Variants in CNKSR2 observed in about 807,000 individuals in gnomAD.
CNKSR2 encodes CNK homolog protein 2.
In CNKSR2, 14 loss-of-function variants were observed where a neutral mutation model predicts 84.4. The observed-to-expected ratio is 0.17, with a 90% confidence interval of 0.11 to 0.26. The LOEUF (loss-of-function observed/expected upper bound fraction) is 0.26. Ranked by LOEUF, CNKSR2 falls within the 10% of genes least tolerant of loss-of-function variation. CNKSR2 has a pLI of 1.00. For missense variants in CNKSR2, 485 were observed against 771.2 expected, an observed-to-expected ratio of 0.63 and a Z score of 4.40; for synonymous variants, 275 against 277.9, an observed-to-expected ratio of 0.99 and a Z score of 0.10.
intron 8 of CNKSR2, chrX:21,503,749 C>T (rs1156996977): frequency 8.9e-6 from 1 of 111,948 alleles, no homozygotes; most frequent in Non-Finnish European, 1.9e-5. Flanking sequence ...GCCAGCTGAA[C>T]TGAAATTAGA....
chrX:21,616,082 C>T (rs1272639905), intron 20 of CNKSR2, among the ~76,000 whole-genome samples: 7 of 111,533 alleles, frequency 6.3e-5, no homozygotes, highest in Non-Finnish European at 1.1e-4. Context: ...ATTTGGGTCT[C>T]ATTTCAAATA....
chrX:21,412,562 C>T (rs981268751), intron 1 of CNKSR2, among the ~76,000 whole-genome samples: 1 of 111,827 alleles, frequency 8.9e-6, no homozygotes, highest in Admixed American at 9.5e-5. Context: ...GGTAAGACAT[C>T]ATACTGATGA....
At chrX:21,376,162 T>TAACAG (rs2089812409) in intron 1 of CNKSR2, among the ~76,000 whole-genome samples, 2 of 112,545 alleles carry the variant, frequency 1.8e-5, no homozygotes, top group South Asian at 7.4e-4. Flanking sequence ...CAGTCAGACT[T>TAACAG]TCTAAGCTCC....
rs778312129 is a variant in CNKSR2 at position 21,375,625 on chromosome X, G to A, written c.64+664G>A. ...TGGGCTGCCTCCAGCGCATCCCCTC[G>A]CATCCTTTGCCTTCTCTGCTTTCTC... On this transcript the variant is annotated intron_variant, in intron 1 of 21. Coordinates refer to ENST00000379510, the MANE Select transcript of CNKSR2 (RefSeq NM_014927.5). 5.4e-5 allele frequency among the ~76,000 whole-genome samples: 6 copies of A among 112,149 alleles called. No homozygotes were observed. In the East Asian group the frequency reaches 1.7e-3, roughly 32 times the overall value.
chrX:21,449,303 C>CA (rs11308049), intron 4 of CNKSR2, among the ~76,000 whole-genome samples: 595 of 44,105 alleles, frequency 0.013, 4 homozygotes, highest in East Asian at 0.042. Flanking sequence ...GACTCCGTCT[C>CA]AAAAAAAAAA....
chrX:21,479,828 A>G (rs1386178276), intron 5 of CNKSR2, among the ~76,000 whole-genome samples: 1 of 109,745 alleles, frequency 9.1e-6, no homozygotes, highest in Non-Finnish European at 1.9e-5. Flanking sequence ...AAGAGTTAGG[A>G]TGATGCTGTG....
intron 20 of CNKSR2, among the ~76,000 whole-genome samples, chrX:21,617,357 C>T (rs2092581623): frequency 9.0e-6 from 1 of 111,511 alleles, no homozygotes; most frequent in Non-Finnish European, 1.9e-5. Flanking sequence ...AAACAATTTA[C>T]CTCCTATGGT....
At chrX:21,488,664 C>G (rs989733867) in intron 5 of CNKSR2, among the ~76,000 whole-genome samples, 1 of 111,482 alleles carries the variant, frequency 9.0e-6, no homozygotes, top group African/African-American at 3.3e-5. Flanking sequence ...AAAGTGAGGC[C>G]ATGGACCAAG....
intron 20 of CNKSR2, among the ~76,000 whole-genome samples, chrX:21,611,991 A>C (rs559636833): frequency 2.7e-5 from 3 of 112,223 alleles, no homozygotes; most frequent in African/African-American, 9.7e-5. Flanking sequence ...AGAGTAGTGC[A>C]TTCATCCTTT....
At chrX:21,568,347 A>G (rs963831666) in intron 13 of CNKSR2, among the ~76,000 whole-genome samples, 10 of 111,946 alleles carry the variant, frequency 8.9e-5, no homozygotes, top group African/African-American at 2.9e-4. Context: ...CTGAGATGCC[A>G]GAACAAGTAA....
chrX:21,461,069 A>G (rs1376456437), intron 4 of CNKSR2, among the ~76,000 whole-genome samples: 1 of 112,001 alleles, frequency 8.9e-6, no homozygotes, highest in East Asian at 2.8e-4. Context: ...TTGCTGGATT[A>G]TGTCACAGCT....
intron 1 of CNKSR2, among the ~76,000 whole-genome samples, chrX:21,410,906 G>A (rs751362217): frequency 7.9e-4 from 87 of 110,368 alleles, no homozygotes; most frequent in African/African-American, 2.8e-3. Context: ...GTTTGTGTGT[G>A]TGTGTGTGTG....
At chrX:21,550,807 G>A (rs866752090) in intron 11 of CNKSR2, among the ~76,000 whole-genome samples, 3 of 110,834 alleles carry the variant, frequency 2.7e-5, no homozygotes, top group Non-Finnish European at 5.7e-5. Context: ...AGGCAGAGGC[G>A]GGTGGATTGC....
intron 4 of CNKSR2, among the ~76,000 whole-genome samples, chrX:21,460,047 A>T (rs1019402311): frequency 9.0e-6 from 1 of 111,591 alleles, no homozygotes; most frequent in Non-Finnish European, 1.9e-5. Context: ...CTAAACAAGC[A>T]TTGTCTGAGG....
chrX:21,520,673 A>G (rs1468924273), intron 9 of CNKSR2, among the ~76,000 whole-genome samples: 4 of 108,979 alleles, frequency 3.7e-5, no homozygotes, highest in Admixed American at 2.9e-4. Flanking sequence ...GACTTTTAAA[A>G]CATTTAAAAA....
intron 4 of CNKSR2, among the ~76,000 whole-genome samples, chrX:21,441,557 CTT>C (rs2090784528): frequency 8.9e-6 from 1 of 111,778 alleles, no homozygotes; most frequent in Non-Finnish European, 1.9e-5. Flanking sequence ...AGAAATACCT[CTT>C]TAAGTTTGCC....
At chrX:21,476,109 A>T (rs190109851) in intron 5 of CNKSR2, among the ~76,000 whole-genome samples, 1 of 111,122 alleles carries the variant, frequency 9.0e-6, no homozygotes, top group Non-Finnish European at 1.9e-5. Context: ...AAGAATGGGT[A>T]AGAGGAGAGG....
chrX:21,456,743 G>T (rs371323666), intron 4 of CNKSR2, among the ~76,000 whole-genome samples: 1 of 111,458 alleles, frequency 9.0e-6, no homozygotes, highest in African/African-American at 3.3e-5. Flanking sequence ...AAGTGGGATT[G>T]CTGGATAATA....
chrX:21,612,311 C>T (rs1402948177), intron 20 of CNKSR2, among the ~76,000 whole-genome samples: 3 of 111,951 alleles, frequency 2.7e-5, no homozygotes, highest in Admixed American at 9.5e-5. Flanking sequence ...TCAGCCTTAA[C>T]GTCCTGTACA....
Sources: gnomAD v4.1 joint callset for allele counts (sites outside exome capture counted in the v4.1 genomes callset) on GRCh38, gnomAD v4.1.1 for gene constraint, MANE v1.5 for transcripts, NCBI Gene and HGNC (gene_info 2026-07-23, HGNC 2026-07-21) for gene names.